Variants in GRK3 observed in about 807,000 individuals in gnomAD.
GRK3 encodes the protein adrenergic, beta, receptor kinase 2.
In GRK3, 54 loss-of-function variants were observed where a neutral mutation model predicts 95.7. The observed-to-expected ratio is 0.56, with a 90% CI of 0.45 to 0.71. The LOEUF (loss-of-function observed/expected upper bound fraction) is 0.71. Among genes scored for constraint, GRK3 ranks in the 30% least tolerant of loss-of-function variants. GRK3 has a pLI of 0.00. For missense variants in GRK3, 649 were observed against 851.2 expected (o/e 0.76, Z 2.96); for synonymous variants, 281 against 290.8 (o/e 0.97, Z 0.34).
chr22:25,611,922 T>A (rs552576632), intron 2 of GRK3, among the ~76,000 whole-genome samples: 1 of 143,936 alleles, frequency 6.9e-6, no homozygotes, highest in South Asian at 2.5e-4. Context: ...AACCTCCACC[T>A]ACCAGGTTCA....
At position 25,725,941 on chromosome 22, in the gene GRK3, T is replaced by A. The variant is rs746930470; in HGVS notation, c.*3491T>A. ...TCCAGCCTGGGCGACAGAGCGAGAC[T>A]CTGTCTCAAAAAAAAAAAGGAGGGG... On this transcript the variant is annotated 3_prime_UTR_variant, in exon 21 of 21. Coordinates refer to ENST00000324198, the MANE Select transcript of GRK3 (RefSeq NM_005160.4). 41 of 206,510 alleles carry A rather than the reference T, an allele frequency of 2.0e-4. No individual in the cohort carries two copies. The highest frequency in any genetic ancestry group is 3.9e-4 in the Non-Finnish European group (41 of 104,226). The allele number at this position is 206,510 out of a possible 1,614,324, so 12.8% of individuals were successfully genotyped here.
intron 13 of GRK3, among the ~76,000 whole-genome samples, chr22:25,696,678 C>T (rs2085211503): frequency 6.6e-6 from 1 of 152,222 alleles, no homozygotes; most frequent in Admixed American, 6.5e-5. Context: ...CATCTTACTA[C>T]ATTTAGCACA....
intron 1 of GRK3, among the ~76,000 whole-genome samples, chr22:25,570,137 C>T (rs1209307213): frequency 1.3e-5 from 2 of 152,218 alleles, no homozygotes; most frequent in South Asian, 2.1e-4. Flanking sequence ...TACGAGTCCT[C>T]AGAGACTGAT....
intron 2 of GRK3, among the ~76,000 whole-genome samples, chr22:25,630,046 T>C (rs1029679127): frequency 6.6e-6 from 1 of 152,234 alleles, no homozygotes; most frequent in African/African-American, 2.4e-5. Flanking sequence ...GCTGATTCTC[T>C]TATTTTCAAT....
At chr22:25,710,729 C>G (rs930730003) in intron 16 of GRK3, among the ~76,000 whole-genome samples, 6 of 152,160 alleles carry the variant, frequency 3.9e-5, no homozygotes, top group African/African-American at 1.2e-4. Context: ...TCCGGCAACC[C>G]AAAGGTGGTG....
At chr22:25,625,527 C>G (rs1020076637) in intron 2 of GRK3, among the ~76,000 whole-genome samples, 13 of 152,218 alleles carry the variant, frequency 8.5e-5, no homozygotes, top group African/African-American at 2.9e-4. Context: ...CAAGGAACAA[C>G]ACTCGCTACT....
chr22:25,699,933 C>T (rs991740217), intron 13 of GRK3, among the ~76,000 whole-genome samples: 3 of 152,132 alleles, frequency 2.0e-5, no homozygotes, highest in South Asian at 2.1e-4. Flanking sequence ...CTCCTGATCC[C>T]GTGATCTGCC....
intron 8 of GRK3, among the ~76,000 whole-genome samples, chr22:25,676,393 T>C (rs1416127506): frequency 6.6e-6 from 1 of 152,186 alleles, no homozygotes; most frequent in Non-Finnish European, 1.5e-5. Context: ...CTTGATGTTA[T>C]AGAAGTAAAT....
intron 7 of GRK3, among the ~76,000 whole-genome samples, chr22:25,674,135 A>G (rs2085007329): frequency 1.3e-5 from 2 of 152,122 alleles, no homozygotes; most frequent in African/African-American, 4.8e-5. Context: ...CAAGGTATAC[A>G]TATTGTAATC....
At chr22:25,693,319 C>T (rs2085180032) in intron 12 of GRK3, among the ~76,000 whole-genome samples, 1 of 152,146 alleles carries the variant, frequency 6.6e-6, no homozygotes, top group African/African-American at 2.4e-5. Context: ...GTTGAGTTTT[C>T]CTTGTATGTG....
At chr22:25,641,628 T>A (rs1232748896) in intron 2 of GRK3, among the ~76,000 whole-genome samples, 4 of 152,116 alleles carry the variant, frequency 2.6e-5, no homozygotes, top group Non-Finnish European at 5.9e-5. Flanking sequence ...TGAGAATGAA[T>A]GAGAATCATG....
At chr22:25,610,004 T>C (rs2084484262) in intron 2 of GRK3, among the ~76,000 whole-genome samples, 2 of 151,644 alleles carry the variant, frequency 1.3e-5, no homozygotes, top group South Asian at 4.2e-4. Context: ...CACGCCACCA[T>C]GCCTGGCTAA....
Position 25,721,479 on chromosome 22 carries a change from C to G in GRK3, c.1905+82C>G, listed in dbSNP as rs975319916. 16 of 798,416 alleles carry G rather than the reference C, an allele frequency of 2.0e-5. No individual in the cohort carries two copies. The East Asian group carries it at 3.5e-4, about 18-fold the overall frequency. 49.5% of individuals were successfully genotyped at this position (798,416 alleles called of 1,614,324 possible). A position where few individuals can be genotyped will look rare whatever the true frequency, so the allele number is the denominator to read the frequency against. On this transcript the variant is annotated intron_variant, in intron 20 of 20. Coordinates refer to ENST00000324198, the MANE Select transcript of GRK3 (RefSeq NM_005160.4). ...TGACTGCCTGTCTATAAAACATTTT[C>G]TTATGCCATGTTTTATCACTTACAA...
intron 2 of GRK3, among the ~76,000 whole-genome samples, chr22:25,633,464 T>A (rs2084678419): frequency 6.6e-6 from 1 of 152,178 alleles, no homozygotes. Context: ...ATTATTTGGA[T>A]CACCTCTGTT....
At chr22:25,570,133 T>A (rs1931637775) in intron 1 of GRK3, among the ~76,000 whole-genome samples, 1 of 152,130 alleles carries the variant, frequency 6.6e-6, no homozygotes, top group Admixed American at 6.5e-5. Flanking sequence ...CAGCTACGAG[T>A]CCTCAGAGAC....
chr22:25,577,795 G>A (rs571901282), intron 1 of GRK3, among the ~76,000 whole-genome samples: 5 of 152,306 alleles, frequency 3.3e-5, no homozygotes, highest in African/African-American at 1.2e-4. Context: ...TGCAGTGAAT[G>A]TTCTTACATA....
rs916364199 is a variant in GRK3, at chr22:25,729,044, T to C, written c.*6594T>C. 2 of 152,208 alleles carry C rather than the reference T, an allele frequency of 1.3e-5. No homozygotes were observed. The highest frequency in any genetic ancestry group is 1.3e-4 in the Admixed American group (2 of 15,278). The allele number at this position is 152,208 out of a possible 1,614,324, so 9.4% of individuals were successfully genotyped here. On this transcript the variant is annotated 3_prime_UTR_variant, in exon 21 of 21. Coordinates refer to ENST00000324198, the MANE Select transcript of GRK3 (RefSeq NM_005160.4). Reference sequence around the variant, plus strand: ...GATATTGTACCTAGACAAAATATCATTGGTTCTATCTCTTTTTGTATCTGT... The same window carrying C: ...GATATTGTACCTAGACAAAATATCACTGGTTCTATCTCTTTTTGTATCTGT...
chr22:25,696,374 A>G (rs1230503286), intron 13 of GRK3, among the ~76,000 whole-genome samples: 1 of 152,194 alleles, frequency 6.6e-6, no homozygotes, highest in Non-Finnish European at 1.5e-5. Context: ...CTTGTTCTGA[A>G]CTACCAAAGA....
intron 19 of GRK3, 86 bp downstream of exon 19, chr22:25,718,467 A>C (rs1416721992): frequency 2.1e-6 from 3 of 1,402,484 alleles, no homozygotes; most frequent in Non-Finnish European, 3.0e-6. Context: ...TGTTTTATAC[A>C]CTATCCTCCG....
Sources: gnomAD v4.1 joint callset for allele counts (sites outside exome capture counted in the v4.1 genomes callset) on GRCh38, gnomAD v4.1.1 for gene constraint, MANE v1.5 for transcripts, NCBI Gene and HGNC (gene_info 2026-07-23, HGNC 2026-07-21) for gene names.